The following ESRRG variants were observed in gnomAD, a reference collection of about 807,000 sequenced individuals.
ESRRG encodes the protein estrogen related receptor gamma.
Under a neutral mutation model 44.0 loss-of-function variants are expected in ESRRG, and 13 were observed. The ratio of observed to expected loss-of-function variants is 0.30; its 90% confidence interval spans 0.19 to 0.47. The LOEUF (loss-of-function observed/expected upper bound fraction) is 0.47, where lower values mean the gene tolerates loss of function less well. Among genes scored for constraint, ESRRG ranks in the 20% least tolerant of loss-of-function variants. ESRRG has a pLI of 1.00. For missense variants in ESRRG, 395 were observed against 580.6 expected, an observed-to-expected ratio of 0.68 and a Z score of 3.29; for synonymous variants, 215 against 214.6, an observed-to-expected ratio of 1.00 and a Z score of -0.02.
intron 1 of ESRRG, among the ~76,000 whole-genome samples, chr1:217,129,973 G>A (rs549718544): frequency 2.6e-5 from 4 of 152,056 alleles, no homozygotes; most frequent in African/African-American, 4.8e-5. Flanking sequence ...GTGATGTTAC[G>A]TGAAGTTTAC....
chr1:216,803,859 A>G (rs1195897484), intron 2 of ESRRG, among the ~76,000 whole-genome samples: 3 of 152,100 alleles, frequency 2.0e-5, no homozygotes, highest in African/African-American at 7.2e-5. Context: ...AAAGCCTTGT[A>G]ACTTTATTCC....
intron 3 of ESRRG, among the ~76,000 whole-genome samples, chr1:216,641,319 T>C (rs1347998087): frequency 1.3e-5 from 2 of 152,224 alleles, no homozygotes; most frequent in Admixed American, 1.3e-4. Context: ...TACATAAATA[T>C]AAAATTGTTT....
upstream of ESRRG, chr1:216,723,592 A>C (rs778591250): frequency 2.4e-6 from 1 of 413,354 alleles, no homozygotes; most frequent in East Asian, 4.4e-5. Context: ...GAGAGGAGCC[A>C]GGCAGGTAGG....
At chr1:216,581,478 C>A (rs7550258) in intron 3 of ESRRG, among the ~76,000 whole-genome samples, 1 of 152,060 alleles carries the variant, frequency 6.6e-6, no homozygotes, top group African/African-American at 2.4e-5. Context: ...CCCAGCCACA[C>A]GATTCTGTGA....
intron 3 of ESRRG, among the ~76,000 whole-genome samples, chr1:216,604,327 AGGAGT>A (rs1467952518): frequency 1.3e-5 from 2 of 152,174 alleles, no homozygotes; most frequent in African/African-American, 2.4e-5. Flanking sequence ...CTGGTATCAG[AGGAGT>A]CAAAGCCAGT....
At chr1:217,066,529 C>A (rs945331565) in intron 1 of ESRRG, among the ~76,000 whole-genome samples, 3 of 152,200 alleles carry the variant, frequency 2.0e-5, no homozygotes, top group Admixed American at 2.0e-4. Context: ...GCGTTAGCCA[C>A]TGAGCCTGGC....
At chr1:217,055,927 A>G (rs902105136) in intron 1 of ESRRG, among the ~76,000 whole-genome samples, 1 of 151,882 alleles carries the variant, frequency 6.6e-6, no homozygotes. Context: ...TTTCCTTTTC[A>G]TAGTAGATCC....
intron 2 of ESRRG, among the ~76,000 whole-genome samples, chr1:216,768,215 A>G (rs1028769691): frequency 2.6e-5 from 4 of 152,128 alleles, no homozygotes; most frequent in African/African-American, 9.7e-5. Flanking sequence ...ATTCCAAGAC[A>G]TATCCTTGAA....
chr1:216,858,580 C>A (rs1440377917), intron 2 of ESRRG, among the ~76,000 whole-genome samples: 1 of 152,100 alleles, frequency 6.6e-6, no homozygotes, highest in Non-Finnish European at 1.5e-5. Context: ...ATTTACTCAG[C>A]AAGATTTGGT....
intron 2 of ESRRG, among the ~76,000 whole-genome samples, chr1:216,784,339 A>G (rs193003759): frequency 3.1e-4 from 47 of 152,204 alleles, no homozygotes; most frequent in Non-Finnish European, 6.0e-4. Context: ...TTGGATTAAA[A>G]TAAGTTATAC....
intron 1 of ESRRG, among the ~76,000 whole-genome samples, chr1:216,974,097 C>G (rs2072348947): frequency 6.6e-6 from 1 of 152,124 alleles, no homozygotes; most frequent in South Asian, 2.1e-4. Flanking sequence ...GAATCATTAT[C>G]ATTAATATTT....
intron 1 of ESRRG, among the ~76,000 whole-genome samples, chr1:216,958,198 G>A (rs541353253): frequency 7.2e-5 from 11 of 152,150 alleles, no homozygotes; most frequent in Non-Finnish European, 2.9e-5. Flanking sequence ...ATTTGGGGTT[G>A]TTTCACACAT....
At chr1:216,780,843 C>T (rs2093907228) in intron 2 of ESRRG, among the ~76,000 whole-genome samples, 1 of 151,940 alleles carries the variant, frequency 6.6e-6, no homozygotes, top group Non-Finnish European at 1.5e-5. Context: ...GATTGTAGCC[C>T]TAGCATGAGA....
In ESRRG at chr1:217,051,215, G is replaced by GGGC. The variant is rs1446856510; in HGVS notation, c.-106+38291_-106+38292insGCC. Among the ~76,000 whole-genome samples the GGGC allele has an allele frequency of 1.3e-3, 150 of 118,732 alleles. 3 individuals carry two copies. The Middle Eastern group carries it at 0.028, about 22-fold the overall frequency. The allele number at this position is 118,732 out of a possible 152,430, so 77.9% of individuals were successfully genotyped here. On this transcript the variant is annotated intron_variant, in intron 1 of 7. Coordinates refer to the ESRRG transcript ENST00000359162. ...GTGGATAATGGGGGCGGGGGGGGGG[G>GGGC]GTGCCAGGGGAATTGTAAGACTGGG...
intron 1 of ESRRG, among the ~76,000 whole-genome samples, chr1:216,987,338 C>T (rs1455306541): frequency 1.3e-5 from 2 of 152,224 alleles, no homozygotes; most frequent in Non-Finnish European, 2.9e-5. Flanking sequence ...TGAAGGAATA[C>T]AATGCTAGTG....
chr1:217,109,571 G>A (rs766193030), intron 1 of ESRRG, among the ~76,000 whole-genome samples: 6 of 152,162 alleles, frequency 3.9e-5, no homozygotes, highest in Non-Finnish European at 5.9e-5. Context: ...TTTAAAGGTA[G>A]TGGAGGGGAC....
At chr1:216,639,947 C>T (rs2150876006) in intron 3 of ESRRG, among the ~76,000 whole-genome samples, 1 of 152,338 alleles carries the variant, frequency 6.6e-6, no homozygotes, top group Non-Finnish European at 1.5e-5. Context: ...ATGTTTCCTG[C>T]TTCCAAAACC....
At chr1:217,099,931 C>T (rs75754582) in intron 1 of ESRRG, among the ~76,000 whole-genome samples, 3,737 of 151,228 alleles carry the variant, frequency 0.025, 157 homozygotes, top group African/African-American at 0.086. Context: ...GTGGAGAATC[C>T]GTAGTAATAA....
intron 2 of ESRRG, chr1:216,939,465 A>T (rs952183431): frequency 6.6e-6 from 1 of 151,994 alleles, no homozygotes; most frequent in African/African-American, 2.4e-5. Flanking sequence ...CAACACCACA[A>T]TAGTAGTCAA....
Sources: allele counts gnomAD v4.1 joint callset (sites outside exome capture counted in the v4.1 genomes callset), GRCh38; gene constraint gnomAD v4.1.1; transcripts MANE v1.5; gene names NCBI Gene and HGNC (gene_info 2026-07-23, HGNC 2026-07-21).